Variants in CNTLN observed in about 807,000 individuals in gnomAD.
CNTLN encodes centlein, also known as centlein, centrosomal protein.
In CNTLN, 212 loss-of-function variants were observed where a neutral mutation model predicts 180.0. That is an observed-to-expected ratio of 1.18 (90% CI 1.05 to 1.32). The LOEUF (loss-of-function observed/expected upper bound fraction) is 1.32. CNTLN is among the 40% of genes most tolerant of loss of function. The probability of loss-of-function intolerance (pLI) is 0.00; values close to 1 mark genes in which losing one functional copy is unlikely to be tolerated. For synonymous variants in CNTLN, 722 were observed against 563.1 expected (o/e 1.28, Z -3.99); for missense variants, 2,095 against 1,610.9 (o/e 1.30, Z -5.14).
intron 13 of CNTLN, among the ~76,000 whole-genome samples, chr9:17,380,724 A>G (rs1825179501): frequency 6.6e-6 from 1 of 152,216 alleles, no homozygotes; most frequent in Non-Finnish European, 1.5e-5. Flanking sequence ...TTCGTCATTG[A>G]AAGTTGAGGG....
Position 17,364,059 on chromosome 9 carries a change from C to T in CNTLN, c.1887-2558C>T, listed in dbSNP as rs143397056. On this transcript the variant is annotated intron_variant, in intron 12 of 25. Coordinates refer to ENST00000380647, the MANE Select transcript of CNTLN (RefSeq NM_017738.4). Reference sequence around the variant, plus strand: ...AAAGATTGTCTCTATCTTTGTTGTCCTGAAGTTTCACTAAGACATTTTTAA... The same window carrying T: ...AAAGATTGTCTCTATCTTTGTTGTCTTGAAGTTTCACTAAGACATTTTTAA... Among the ~76,000 whole-genome samples the T allele has an allele frequency of 2.9e-3, 439 of 152,096 alleles. 4 individuals are homozygous for T. Among genetic ancestry groups the T allele is most frequent in the African/African-American group, 1.0e-2 (415 of 41,502 alleles).
intron 2 of CNTLN, among the ~76,000 whole-genome samples, chr9:17,190,009 C>A (rs987916830): frequency 2.6e-5 from 4 of 151,726 alleles, no homozygotes; most frequent in African/African-American, 9.7e-5. Context: ...CTCTCTCTCT[C>A]AATGCAGCTC....
At chr9:17,225,962 T>C (rs551060025) in intron 2 of CNTLN, among the ~76,000 whole-genome samples, 65 of 152,046 alleles carry the variant, frequency 4.3e-4, no homozygotes, top group Non-Finnish European at 8.8e-4. Flanking sequence ...GTTATTGCAA[T>C]CAAGGTTAAA....
At position 17,342,461 on chromosome 9, in the gene CNTLN, A is replaced by T. The variant is rs1179237432; in HGVS notation, c.1886+17A>T. ...GATTCAAAAGTGAGTTTCATTTTTAACAATATGGACTTAGATAAAATACTT... is the reference window on the plus strand; with the variant it reads ...GATTCAAAAGTGAGTTTCATTTTTATCAATATGGACTTAGATAAAATACTT... On this transcript the variant is annotated intron_variant, in intron 12 of 25. Coordinates refer to ENST00000380647, the MANE Select transcript of CNTLN (RefSeq NM_017738.4). 3.1e-6 allele frequency: 5 copies of T among 1,590,746 alleles called. No individual in the cohort carries two copies. Among genetic ancestry groups the T allele is most frequent in the Non-Finnish European group, 4.3e-6 (5 of 1,172,616 alleles).
chr9:17,208,021 G>C (rs1333137522), intron 2 of CNTLN, among the ~76,000 whole-genome samples: 1 of 152,118 alleles, frequency 6.6e-6, no homozygotes, highest in Non-Finnish European at 1.5e-5. Flanking sequence ...AGAGGTGAAA[G>C]TGGACATCCT....
chr9:17,151,104 T>G (rs112998281), intron 2 of CNTLN, among the ~76,000 whole-genome samples: 10,375 of 152,232 alleles, frequency 0.068, 468 homozygotes, highest in East Asian at 0.17. Context: ...AGAGACAAAT[T>G]GACTTCCTCT....
Position 17,330,652 on chromosome 9 carries a change from A to T in CNTLN, c.1362A>T (p.Leu454Phe). ...YSAQVPHRPS[L>F]SSLETLMVSQ... ...AATAGGTACCTCATCGCCCATCCTT[A>T]TCAAGCTTAGAAACGTTAATGGTTT... is the stretch of plus-strand genomic sequence containing the variant. The change falls in exon 9 of 26, where the codon TTA becomes TTT. Residue 454 changes from leucine to phenylalanine, a missense_variant. Coordinates refer to ENST00000380647, the MANE Select transcript of CNTLN (RefSeq NM_017738.4). 6.2e-7 allele frequency: 1 copy of T among 1,600,292 alleles called. No homozygotes were observed. Among genetic ancestry groups the T allele is most frequent in the Non-Finnish European group, 8.5e-7 (1 of 1,173,886 alleles).
At chr9:17,229,773 T>C (rs1028824727) in intron 3 of CNTLN, among the ~76,000 whole-genome samples, 2 of 152,104 alleles carry the variant, frequency 1.3e-5, no homozygotes, top group African/African-American at 4.8e-5. Flanking sequence ...AACTGACATA[T>C]AAAATTAACC....
At chr9:17,393,853 C>G (rs1378843960) in intron 14 of CNTLN, among the ~76,000 whole-genome samples, 1 of 152,082 alleles carries the variant, frequency 6.6e-6, no homozygotes, top group Non-Finnish European at 1.5e-5. Context: ...AGGTGTTGGT[C>G]TTTTCAAATA....
chr9:17,342,821 A>G (rs1249778518), intron 12 of CNTLN, among the ~76,000 whole-genome samples: 4 of 152,190 alleles, frequency 2.6e-5, no homozygotes, highest in African/African-American at 7.2e-5. Context: ...TACATACGCA[A>G]TGCAGAATGC....
chr9:17,226,486 A>C (rs1234933003), intron 3 of CNTLN, among the ~76,000 whole-genome samples, 199 bp downstream of exon 3: 1 of 151,974 alleles, frequency 6.6e-6, no homozygotes, highest in Non-Finnish European at 1.5e-5. Context: ...TTTCTGAATT[A>C]ATAGATTATA....
intron 18 of CNTLN, among the ~76,000 whole-genome samples, chr9:17,416,897 A>G (rs1212573559): frequency 6.7e-6 from 1 of 149,818 alleles, no homozygotes; most frequent in Non-Finnish European, 1.5e-5. Context: ...TCATTATATT[A>G]GAAAACAATC....
chr9:17,143,871 C>T (rs938533132), intron 2 of CNTLN, among the ~76,000 whole-genome samples: 1 of 152,170 alleles, frequency 6.6e-6, no homozygotes, highest in Non-Finnish European at 1.5e-5. Context: ...CCTGTAGGAA[C>T]TGCCCAGTCA....
In CNTLN at chr9:17,415,996, C is replaced by T. The variant is rs773230699; in HGVS notation, c.2921C>T (p.Ala974Val). 3.1e-6 allele frequency: 5 copies of T among 1,611,842 alleles called. No homozygotes were observed. Among genetic ancestry groups the T allele is most frequent in the Non-Finnish European group, 3.4e-6 (4 of 1,179,264 alleles). ...AGAGAAAAGTACAAAAATATAACTG[C>T]CCAGAAATCAAGTAGCAATATTATT... ...VNREKYKNIT[A>V]QKSSSNIILL... Residue 974 changes from alanine (A) to valine (V), a missense_variant, in exon 18 of 26, where the codon GCC becomes GTC. Coordinates refer to ENST00000380647, the MANE Select transcript of CNTLN (RefSeq NM_017738.4).
intron 2 of CNTLN, among the ~76,000 whole-genome samples, chr9:17,215,491 C>T (rs1294658339): frequency 2.6e-5 from 4 of 152,178 alleles, no homozygotes; most frequent in South Asian, 2.1e-4. Context: ...TTAGGCTACT[C>T]GGGGGTCAGG....
At chr9:17,528,491 G>A in the CNTLN span, among the ~76,000 whole-genome samples, 1 of 152,206 alleles carries the variant, frequency 6.6e-6, no homozygotes, top group Non-Finnish European at 1.5e-5. Context: ...AAACGTCTGA[G>A]AAACTGTCCC....
chr9:17,464,356 A>T, intron 20 of CNTLN, 141 bp from the exon 21 acceptor site: 1 of 625,976 alleles, frequency 1.6e-6, no homozygotes, highest in Non-Finnish European at 2.7e-6. Flanking sequence ...TATGCAGTGC[A>T]ATTCATTTTA....
At chr9:17,275,424 T>C (rs2132532206) in intron 6 of CNTLN, among the ~76,000 whole-genome samples, 1 of 152,270 alleles carries the variant, frequency 6.6e-6, no homozygotes, top group East Asian at 1.9e-4. Flanking sequence ...CACTAATTGA[T>C]CAACTACTCC....
downstream of CNTLN, among the ~76,000 whole-genome samples, chr9:17,507,773 G>C (rs547838962): frequency 2.0e-5 from 3 of 152,152 alleles, no homozygotes; most frequent in South Asian, 6.2e-4. Flanking sequence ...TGCTCACCAA[G>C]GAATGGTAGA....
Sources: gnomAD v4.1 joint callset for allele counts (sites outside exome capture counted in the v4.1 genomes callset) on GRCh38, gnomAD v4.1.1 for gene constraint, MANE v1.5 for transcripts, NCBI Gene and HGNC (gene_info 2026-07-23, HGNC 2026-07-21) for gene names.